ATAD1: variants seen among roughly 807,000 people sequenced by gnomAD.
ATAD1 encodes outer mitochondrial transmembrane helix translocase.
Under a neutral mutation model 42.7 loss-of-function variants are expected in ATAD1, and 18 were observed. The ratio of observed to expected loss-of-function variants is 0.42; its 90% confidence interval spans 0.29 to 0.63. The LOEUF is 0.63. ATAD1 is among the 20% of genes least tolerant of loss of function. The probability of loss-of-function intolerance (pLI) is 0.19; values close to 1 mark genes in which losing one functional copy is unlikely to be tolerated. For synonymous variants in ATAD1, 132 were observed against 143.1 expected, an observed-to-expected ratio of 0.92 and a Z score of 0.55; for missense variants, 294 against 440.4, an observed-to-expected ratio of 0.67 and a Z score of 2.98.
At chr10:87,784,778 A>C (rs975198731) in intron 4 of ATAD1, 108 bp from the exon 5 acceptor site, 1 of 1,008,382 alleles carries the variant, frequency 9.9e-7, no homozygotes, top group African/African-American at 1.6e-5. Flanking sequence ...CCAATATTCA[A>C]TTCTGCTTTT....
rs74912752 is a variant in ATAD1, at chr10:87,757,238, A to G, written c.832-316T>C. On this transcript the variant is annotated intron_variant, in intron 8 of 9. Coordinates refer to ENST00000680024, the MANE Select transcript of ATAD1 (RefSeq NM_001321967.2). ...TTTTTCTGTAATACATTCAACATAC[A>G]GTACTTGGCAAATAACCTACATCAA... 2.7e-3 allele frequency among the ~76,000 whole-genome samples: 403 copies of G among 150,306 alleles called. 2 individuals are homozygous for G. The highest frequency in any genetic ancestry group is 4.4e-3 in the Non-Finnish European group (299 of 67,644).
In ATAD1 at chr10:87,752,984, TAGGATATGTGCTATAG is replaced by T. The variant is rs1159546230; in HGVS notation, c.*1687_*1702del. Reference sequence around the variant, plus strand: ...TATTAAAACAGAAATGACTAGATACTAGGATATGTGCTATAGAAGTGTGAAAACTCCATAGCAAGAT... The same window carrying T: ...TATTAAAACAGAAATGACTAGATACTAAGTGTGAAAACTCCATAGCAAGAT... On this transcript the variant is annotated 3_prime_UTR_variant, in exon 10 of 10. Coordinates refer to ENST00000680024, the MANE Select transcript of ATAD1 (RefSeq NM_001321967.2). 3.9e-5 allele frequency: 6 copies of T among 152,116 alleles called. No homozygotes were observed. Among genetic ancestry groups the T allele is most frequent in the Non-Finnish European group, 2.9e-5 (2 of 68,000 alleles). The allele number at this position is 152,116 out of a possible 1,614,324, so 9.4% of individuals were successfully genotyped here.
chr10:87,791,030 C>CAAAAATAAA (rs1856077057), intron 3 of ATAD1, among the ~76,000 whole-genome samples: 1 of 66,274 alleles, frequency 1.5e-5, no homozygotes, highest in Non-Finnish European at 2.9e-5. Flanking sequence ...ACTAAAATTA[C>CAAAAATAAA]AAAAAAAAAA....
intron 2 of ATAD1, among the ~76,000 whole-genome samples, chr10:87,798,625 G>GGGGTGTGTGTGTGTGTGTGTGTGT (rs1554881741): frequency 1.6e-5 from 2 of 124,860 alleles, no homozygotes; most frequent in Non-Finnish European, 3.5e-5. Context: ...AGCTATAGGG[G>GGGGTGTGTGTGTGTGTGTGTGTGT]GTGTGTGTGT....
chr10:87,828,077 C>T (rs1857761397), intron 1 of ATAD1, among the ~76,000 whole-genome samples: 1 of 152,080 alleles, frequency 6.6e-6, no homozygotes, highest in South Asian at 2.1e-4. Context: ...CCCACCTCAA[C>T]CTCCCAAGTA....
intron 5 of ATAD1, 130 bp downstream of exon 5, chr10:87,784,335 ACATAG>A: frequency 1.3e-6 from 1 of 758,824 alleles, no homozygotes; most frequent in Non-Finnish European, 2.1e-6. Context: ...CAGAAATTAT[ACATAG>A]CATATTATGA....
intron 8 of ATAD1, among the ~76,000 whole-genome samples, chr10:87,763,917 T>G (rs1381482158): frequency 6.6e-6 from 1 of 152,158 alleles, no homozygotes; most frequent in African/African-American, 2.4e-5. Flanking sequence ...TAATGCTTGT[T>G]TTTTTCCTAT....
chr10:87,771,843 T>C (rs1185376522), intron 6 of ATAD1, among the ~76,000 whole-genome samples: 2 of 152,138 alleles, frequency 1.3e-5, no homozygotes, highest in Non-Finnish European at 2.9e-5. Flanking sequence ...CAATATTACC[T>C]TTACTGTTGA....
chr10:87,823,110 C>T (rs1360786231), upstream of ATAD1, among the ~76,000 whole-genome samples: 1 of 148,314 alleles, frequency 6.7e-6, no homozygotes, highest in Non-Finnish European at 1.5e-5. Context: ...AAAAAGACAA[C>T]AGCAAAGTTC....
chr10:87,806,162 C>T (rs567639382), intron 2 of ATAD1, among the ~76,000 whole-genome samples: 13 of 152,240 alleles, frequency 8.5e-5, no homozygotes, highest in Non-Finnish European at 1.6e-4. Flanking sequence ...ATCACTGCCA[C>T]AGTGAACCAC....
intron 1 of ATAD1, among the ~76,000 whole-genome samples, chr10:87,837,495 C>A (rs1228028692): frequency 6.6e-6 from 1 of 152,140 alleles, no homozygotes; most frequent in Non-Finnish European, 1.5e-5. Context: ...GTCTCAAAGT[C>A]TTTTTGGTAC....
chr10:87,821,134 CT>C (rs753816934), upstream of ATAD1, among the ~76,000 whole-genome samples: 11 of 152,152 alleles, frequency 7.2e-5, no homozygotes, highest in South Asian at 8.3e-4. Flanking sequence ...CTCCAAGGTG[CT>C]GAATTTTCCA....
At chr10:87,786,954 C>CA (rs762275082) in intron 4 of ATAD1, among the ~76,000 whole-genome samples, 311 of 128,054 alleles carry the variant, frequency 2.4e-3, no homozygotes, top group Admixed American at 3.9e-3. Flanking sequence ...GACTCCGTCT[C>CA]AAAAAAAAAA....
intron 1 of ATAD1, among the ~76,000 whole-genome samples, chr10:87,817,341 T>C (rs1010045539): frequency 3.3e-5 from 5 of 152,164 alleles, no homozygotes; most frequent in African/African-American, 9.7e-5. Flanking sequence ...TTCAACAAAA[T>C]GAATACACAA....
rs549381605 is a variant in ATAD1, at chr10:87,795,214, A to G, written c.163-2459T>C. On this transcript the variant is annotated intron_variant, in intron 2 of 9. Transcript: ENST00000680024. ...TTTTGCTGAAACACTAATACTCTTC[A>G]TTTGGGAGAGCAGAACATGGCTGGC... is the stretch of plus-strand genomic sequence containing the variant. 1.7e-4 allele frequency among the ~76,000 whole-genome samples: 26 copies of G among 152,260 alleles called. No individual in the cohort carries two copies. The South Asian group carries it at 4.1e-3, about 24-fold the overall frequency.
chr10:87,776,935 A>G (rs1343942550), intron 5 of ATAD1, among the ~76,000 whole-genome samples: 1 of 152,188 alleles, frequency 6.6e-6, no homozygotes, highest in Non-Finnish European at 1.5e-5. Context: ...TATTATGTCA[A>G]TTAAGAAAAA....
intron 2 of ATAD1, among the ~76,000 whole-genome samples, chr10:87,812,286 T>C (rs1857220308): frequency 6.6e-6 from 1 of 152,168 alleles, no homozygotes; most frequent in Admixed American, 6.5e-5. Flanking sequence ...TATTTATTTA[T>C]TTATTTTTGA....
chr10:87,783,127 G>A (rs777116126), intron 5 of ATAD1, among the ~76,000 whole-genome samples: 5 of 152,052 alleles, frequency 3.3e-5, no homozygotes, highest in Non-Finnish European at 7.4e-5. Context: ...ACCTGTAATC[G>A]CAATGCTTTG....
intron 2 of ATAD1, among the ~76,000 whole-genome samples, chr10:87,813,423 TA>T (rs1246382860): frequency 4.6e-5 from 7 of 151,870 alleles, no homozygotes; most frequent in Admixed American, 2.6e-4. Flanking sequence ...TAATATCATC[TA>T]GAACTTCAGT....
Sources: allele counts gnomAD v4.1 joint callset (sites outside exome capture counted in the v4.1 genomes callset), GRCh38; gene constraint gnomAD v4.1.1; transcripts MANE v1.5; gene names NCBI Gene and HGNC (gene_info 2026-07-23, HGNC 2026-07-21).